Variants in CDK14 observed in about 807,000 individuals in gnomAD.
The protein encoded by CDK14 is cyclin-dependent kinase 14.
CDK14 carries 34 observed loss-of-function variants against 60.7 expected under a neutral mutation model. The ratio of observed to expected loss-of-function variants is 0.56; its 90% CI spans 0.43 to 0.75. The LOEUF (loss-of-function observed/expected upper bound fraction) is 0.75. Ranked by LOEUF, CDK14 falls within the 30% of genes least tolerant of loss-of-function variation. CDK14 has a pLI of 0.00. For synonymous variants in CDK14, 197 were observed against 203.7 expected, an observed-to-expected ratio of 0.97 and a Z score of 0.28; for missense variants, 482 against 564.1, an observed-to-expected ratio of 0.85 and a Z score of 1.47.
At chr7:91,084,994 T>G (rs1371115904) in intron 12 of CDK14, among the ~76,000 whole-genome samples, 1 of 152,244 alleles carries the variant, frequency 6.6e-6, no homozygotes, top group Admixed American at 6.5e-5. Context: ...TCTCGAAGTC[T>G]TCTCCAAACA....
intron 5 of CDK14, among the ~76,000 whole-genome samples, chr7:90,830,129 C>T (rs1789867837): frequency 6.6e-6 from 1 of 152,188 alleles, no homozygotes; most frequent in Non-Finnish European, 1.5e-5. Flanking sequence ...GCTCCAACCC[C>T]ACATTTTGCC....
chr7:90,607,313 G>A, intron 2 of CDK14, among the ~76,000 whole-genome samples: 1 of 152,164 alleles, frequency 6.6e-6, no homozygotes, highest in African/African-American at 2.4e-5. Context: ...TTTGAGGGTT[G>A]GGTCAGCTTC....
At chr7:91,004,174 T>C (rs768462323) in intron 10 of CDK14, among the ~76,000 whole-genome samples, 5 of 152,104 alleles carry the variant, frequency 3.3e-5, no homozygotes, top group Non-Finnish European at 7.4e-5. Context: ...AAGAGATATA[T>C]GAAATTGAAA....
intron 14 of CDK14, among the ~76,000 whole-genome samples, chr7:91,197,414 A>C (rs937040506): frequency 6.6e-6 from 1 of 152,012 alleles, no homozygotes; most frequent in Non-Finnish European, 1.5e-5. Flanking sequence ...AAAAAAAAAA[A>C]AAAAAGTCCC....
chr7:91,049,599 G>T (rs762047519), intron 11 of CDK14, among the ~76,000 whole-genome samples: 10 of 152,172 alleles, frequency 6.6e-5, no homozygotes, highest in Non-Finnish European at 1.3e-4. Flanking sequence ...AGAAAAACCA[G>T]TTTGGGTTTT....
At chr7:90,866,233 T>TACACACACACACACAC (rs3038210) in intron 6 of CDK14, among the ~76,000 whole-genome samples, 86 of 140,200 alleles carry the variant, frequency 6.1e-4, no homozygotes, top group African/African-American at 1.0e-3. Context: ...CACATACACA[T>TACACACACACACACAC]ACACACACAC....
intron 3 of CDK14, among the ~76,000 whole-genome samples, chr7:90,734,086 A>T (rs1044040246): frequency 3.3e-5 from 5 of 152,200 alleles, no homozygotes. Flanking sequence ...TTAGCTGGAT[A>T]TGAAATTCTG....
At chr7:90,963,086 AGTGTGTGT>A (rs34662049) in intron 9 of CDK14, among the ~76,000 whole-genome samples, 3,316 of 142,124 alleles carry the variant, frequency 0.023, 120 homozygotes, top group African/African-American at 0.079. Context: ...TCATCTTAAG[AGTGTGTGT>A]GTGTGTGTGT....
chr7:90,806,851 C>T (rs1042536169), intron 5 of CDK14, among the ~76,000 whole-genome samples: 2 of 152,176 alleles, frequency 1.3e-5, no homozygotes, highest in Non-Finnish European at 2.9e-5. Flanking sequence ...GTCCTACACC[C>T]GCGGAGCCTC....
At chr7:91,031,918 G>A (rs1796772055) in intron 10 of CDK14, among the ~76,000 whole-genome samples, 1 of 152,222 alleles carries the variant, frequency 6.6e-6, no homozygotes, top group South Asian at 2.1e-4. Flanking sequence ...CATTTAGCTA[G>A]TGAGGTCACC....
chr7:90,643,449 T>A (rs1048179056), intron 2 of CDK14, among the ~76,000 whole-genome samples: 8 of 152,328 alleles, frequency 5.3e-5, no homozygotes, highest in Admixed American at 5.2e-4. Context: ...TTTTACATTC[T>A]GGGATTGTGA....
chr7:90,747,355 A>G (rs1803636281), intron 3 of CDK14, among the ~76,000 whole-genome samples: 1 of 152,182 alleles, frequency 6.6e-6, no homozygotes, highest in Non-Finnish European at 1.5e-5. Flanking sequence ...GGGCAGGTTT[A>G]AAAACAGTAG....
rs886559045 is a variant in CDK14, at chr7:91,210,265, C to T, written c.*3129C>T. On this transcript the variant is annotated 3_prime_UTR_variant, in exon 15 of 15. Coordinates refer to ENST00000380050, the MANE Select transcript of CDK14 (RefSeq NM_001287135.2). ...ATTCTCATTCCTTTTCCCACAGCAG[C>T]ATATTTTAGAGGCACATACAAAACC... The T allele has an allele frequency of 2.6e-5, 4 of 152,540 alleles. No homozygotes were observed. Among genetic ancestry groups the T allele is most frequent in the African/African-American group, 4.8e-5 (2 of 41,422 alleles). 9.4% of individuals were successfully genotyped at this position (152,540 alleles called of 1,614,324 possible). A position where few individuals can be genotyped will look rare whatever the true frequency, so the allele number is the denominator to read the frequency against.
At chr7:90,884,231 C>CAA (rs1215941377) in intron 6 of CDK14, among the ~76,000 whole-genome samples, 1 of 152,140 alleles carries the variant, frequency 6.6e-6, no homozygotes, top group African/African-American at 2.4e-5. Flanking sequence ...GCAACTTCAG[C>CAA]AAAGTCTCAG....
intron 3 of CDK14, among the ~76,000 whole-genome samples, chr7:90,741,995 C>T (rs555436988): frequency 6.6e-6 from 1 of 152,016 alleles, no homozygotes; most frequent in Admixed American, 6.5e-5. Flanking sequence ...TGAAATAAAT[C>T]TCATTTGGCC....
At chr7:91,129,527 TG>T (rs1800056744) in intron 14 of CDK14, among the ~76,000 whole-genome samples, 1 of 152,166 alleles carries the variant, frequency 6.6e-6, no homozygotes, top group African/African-American at 2.4e-5. Context: ...CTTGTACAGT[TG>T]TTTGAGTTGT....
intron 12 of CDK14, among the ~76,000 whole-genome samples, chr7:91,091,888 C>G (rs553856478): frequency 6.6e-6 from 1 of 151,696 alleles, no homozygotes; most frequent in African/African-American, 2.4e-5. Context: ...TACATTATGC[C>G]GATATTGTTA....
intron 2 of CDK14, among the ~76,000 whole-genome samples, chr7:90,682,558 T>G (rs1284683854): frequency 2.6e-5 from 4 of 152,230 alleles, no homozygotes; most frequent in Non-Finnish European, 5.9e-5. Flanking sequence ...GTTATCACCT[T>G]CAGTATGTTT....
intron 8 of CDK14, among the ~76,000 whole-genome samples, chr7:90,950,846 A>G (rs981854479): frequency 6.6e-6 from 1 of 152,204 alleles, no homozygotes; most frequent in Non-Finnish European, 1.5e-5. Context: ...ATTCAGGGAA[A>G]CCTTGTCAAG....
Sources: gnomAD v4.1 joint callset for allele counts (sites outside exome capture counted in the v4.1 genomes callset) on GRCh38, gnomAD v4.1.1 for gene constraint, MANE v1.5 for transcripts, NCBI Gene and HGNC (gene_info 2026-07-23, HGNC 2026-07-21) for gene names.